Variants in MED15 observed in about 807,000 individuals in gnomAD.
MED15 encodes the protein mediator complex subunit 15.
Under a neutral mutation model 118.7 loss-of-function variants are expected in MED15, and 41 were observed. The ratio of observed to expected loss-of-function variants is 0.35; its 90% confidence interval spans 0.27 to 0.45. The LOEUF (loss-of-function observed/expected upper bound fraction) is 0.45, where lower values mean the gene tolerates loss of function less well. Ranked by LOEUF, MED15 falls within the 20% of genes least tolerant of loss-of-function variation. The probability of loss-of-function intolerance (pLI) is 1.00; values close to 1 mark genes in which losing one functional copy is unlikely to be tolerated. For synonymous variants in MED15, 436 were observed against 413.9 expected (o/e 1.05, Z -0.65); for missense variants, 740 against 1,025.5 (o/e 0.72, Z 3.80).
Position 20,534,936 on chromosome 22 carries a change from C to T in MED15, c.69-2181C>T, listed in dbSNP as rs534665796. On this transcript the variant is annotated intron_variant, in intron 1 of 17. Transcript: ENST00000263205. ...CCCTTGCTGCCTCCTCGCCTCCCTTCAGGCTTCAGGAAGCAGACAGGGAGG... is the reference window on the plus strand; with the variant it reads ...CCCTTGCTGCCTCCTCGCCTCCCTTTAGGCTTCAGGAAGCAGACAGGGAGG... Among the ~76,000 whole-genome samples the T allele has an allele frequency of 1.3e-4, 20 of 152,304 alleles. No individual in the cohort carries two copies. The East Asian group carries it at 3.7e-3, about 28-fold the overall frequency.
chr22:20,585,540 GCA>G (rs1261409547), intron 16 of MED15, 186 bp from the exon 17 acceptor site: 4 of 682,330 alleles, frequency 5.9e-6, no homozygotes, highest in African/African-American at 1.8e-5. Context: ...GGACCTCTGG[GCA>G]CCCATCAATG....
chr22:20,574,522 C>T (rs165674), intron 8 of MED15: 39,275 of 152,290 alleles, frequency 0.26, 5,417 homozygotes, highest in East Asian at 0.52. Flanking sequence ...ATTTTTATTA[C>T]GAAAGAAAAC....
In MED15 at chr22:20,566,469, A is replaced by G. The variant is rs2056442995; in HGVS notation, c.693A>G (p.Ile231Met). Reference protein sequence around the residue: ...IKLHHQNQQQIQQQQQQLQRI... With the variant: ...IKLHHQNQQQMQQQQQQLQRI... ...AGTGCTGCTTGTTCTGTCTCTAGAT[A>G]CAGCAGCAGCAACAGCAGCTGCAGC... is the stretch of plus-strand genomic sequence containing the variant. The change falls in exon 7 of 18, where the codon ATA (isoleucine) becomes ATG (methionine). Residue 231 changes from isoleucine to methionine, a missense_variant and splice_region_variant. Coordinates refer to ENST00000263205, the MANE Select transcript of MED15 (RefSeq NM_001003891.3). The G allele has an allele frequency of 6.2e-7, 1 of 1,612,220 alleles. No individual in the cohort carries two copies. The highest frequency in any genetic ancestry group is 8.5e-7 in the Non-Finnish European group (1 of 1,179,962).
At chr22:20,555,183 T>G in intron 5 of MED15, 35 bp downstream of exon 5, 1 of 1,530,158 alleles carries the variant, frequency 6.5e-7, no homozygotes, top group South Asian at 1.2e-5. Flanking sequence ...TTTGCCGCTT[T>G]CCTTGCAAAC....
intron 1 of MED15, chr22:20,522,293 G>A (rs1480174909): frequency 2.6e-5 from 4 of 152,286 alleles, no homozygotes; most frequent in South Asian, 2.1e-4. Flanking sequence ...ACCAGTTTAC[G>A]TTCCCACCAG....
At chr22:20,535,926 G>A (rs2055063204) in intron 1 of MED15, among the ~76,000 whole-genome samples, 1 of 142,350 alleles carries the variant, frequency 7.0e-6, no homozygotes, top group African/African-American at 2.6e-5. Context: ...CACCCAGGCT[G>A]GAGTGCAGTG....
chr22:20,571,611 C>A (rs2056664473), intron 8 of MED15, among the ~76,000 whole-genome samples: 1 of 152,242 alleles, frequency 6.6e-6, no homozygotes. Flanking sequence ...TTGTTGCAAG[C>A]AGTGCAGTTT....
chr22:20,573,576 G>A (rs2056733945), intron 8 of MED15: 1 of 152,190 alleles, frequency 6.6e-6, no homozygotes, highest in Non-Finnish European at 1.5e-5. Flanking sequence ...GTAGTGAAAT[G>A]TTGATAGCTG....
chr22:20,521,088 A>ATTTTTTTTT lies in MED15; in HGVS notation c.68+13360_68+13368dup. On this transcript the variant is annotated intron_variant, in intron 1 of 17. Transcript: ENST00000263205. ...TATCCTCACAGGCAGCAGTTGTTCT[A>ATTTTTTTTT]TTTTTTTTTTTTTTTTTTTTTTTTT... Among the ~76,000 whole-genome samples, 2 of 61,500 alleles carry ATTTTTTTTT rather than the reference A, an allele frequency of 3.3e-5. 1 individual carries two copies. The highest frequency in any genetic ancestry group is 6.2e-5 in the Non-Finnish European group (2 of 32,170). The allele number at this position is 61,500 out of a possible 152,430, so 40.3% of individuals were successfully genotyped here.
intron 14 of MED15, 93 bp downstream of exon 14, chr22:20,584,518 T>C (rs2057077628): frequency 6.9e-7 from 1 of 1,440,210 alleles, no homozygotes; most frequent in Non-Finnish European, 9.8e-7. Flanking sequence ...TCAGGGCATC[T>C]GGGCGGGGGC....
At chr22:20,527,277 C>T (rs1167483843) in intron 1 of MED15, among the ~76,000 whole-genome samples, 4 of 152,142 alleles carry the variant, frequency 2.6e-5, no homozygotes, top group African/African-American at 9.7e-5. Context: ...TAGCTCTCCT[C>T]TCTAAGTGAT....
intron 2 of MED15, among the ~76,000 whole-genome samples, chr22:20,542,795 A>G (rs1031519061): frequency 1.3e-5 from 2 of 152,248 alleles, no homozygotes; most frequent in Non-Finnish European, 2.9e-5. Context: ...TGGAACTTCT[A>G]CATATATGAT....
At chr22:20,552,956 C>T in intron 3 of MED15, 189 bp from the exon 4 acceptor site, 1 of 580,884 alleles carries the variant, frequency 1.7e-6, no homozygotes, top group Non-Finnish European at 3.1e-6. Context: ...TCTGCACCCT[C>T]TGCCCCCAGG....
intron 17 of MED15, 48 bp from the exon 18 acceptor site, chr22:20,586,520 G>C: frequency 1.9e-6 from 3 of 1,595,814 alleles, no homozygotes; most frequent in South Asian, 2.2e-5. Context: ...TGCCAGGAGC[G>C]AGCGCAGCGC....
rs891971714 is a variant in MED15 at position 20,567,533 on chromosome 22, A to T, written c.1041+716A>T. 3.3e-5 allele frequency among the ~76,000 whole-genome samples: 5 copies of T among 152,178 alleles called. No homozygotes were observed. The South Asian group carries it at 1.0e-3, about 31-fold the overall frequency. On this transcript the variant is annotated intron_variant, in intron 7 of 17. Coordinates refer to ENST00000263205, the MANE Select transcript of MED15 (RefSeq NM_001003891.3). ...CAAGAGGCCTCATAGGCAGACTGGA[A>T]GTCTAGGAGAGTTGTGAGGAGCAGA...
At chr22:20,516,317 AAAT>A (rs57339699) in intron 1 of MED15, among the ~76,000 whole-genome samples, 50 of 150,784 alleles carry the variant, frequency 3.3e-4, no homozygotes, top group Middle Eastern at 3.5e-3. Context: ...CCGTCTCAAT[AAAT>A]AATAATAATA....
intron 1 of MED15, among the ~76,000 whole-genome samples, chr22:20,516,092 G>A (rs560221707): frequency 2.0e-5 from 3 of 152,014 alleles, no homozygotes; most frequent in South Asian, 2.1e-4. Context: ...TGAGGCGGGC[G>A]GATCACCTGA....
intron 1 of MED15, among the ~76,000 whole-genome samples, chr22:20,533,979 G>A (rs530547349): frequency 1.1e-4 from 17 of 152,310 alleles, no homozygotes; most frequent in African/African-American, 3.9e-4. Flanking sequence ...GGGCCTGCCA[G>A]TCTGCTGACA....
At chr22:20,537,416 C>G (rs1226322292) in intron 2 of MED15, among the ~76,000 whole-genome samples, 1 of 152,188 alleles carries the variant, frequency 6.6e-6, no homozygotes, top group Non-Finnish European at 1.5e-5. Flanking sequence ...CAGGCCCAGC[C>G]TCTGGCCCCA....
Sources: gnomAD v4.1 joint callset for allele counts (sites outside exome capture counted in the v4.1 genomes callset) on GRCh38, gnomAD v4.1.1 for gene constraint, MANE v1.5 for transcripts, NCBI Gene and HGNC (gene_info 2026-07-23, HGNC 2026-07-21) for gene names.